SCLY: variants seen among roughly 807,000 people sequenced by gnomAD.
SCLY encodes selenocysteine lyase.
In SCLY, 38 loss-of-function variants were observed where a neutral mutation model predicts 50.1. That is an observed-to-expected ratio of 0.76 (90% CI 0.59 to 0.99). SCLY has a LOEUF of 0.99. Among genes scored for constraint, SCLY ranks in the 50% least tolerant of loss-of-function variants. The probability of loss-of-function intolerance (pLI) is 0.00; values close to 1 mark genes in which losing one functional copy is unlikely to be tolerated. For missense variants in SCLY, 600 were observed against 620.0 expected, an observed-to-expected ratio of 0.97 and a Z score of 0.34; for synonymous variants, 243 against 249.4, an observed-to-expected ratio of 0.97 and a Z score of 0.24.
At chr2:238,063,457 A>G (rs745418646) in intron 1 of SCLY, among the ~76,000 whole-genome samples, 1 of 152,144 alleles carries the variant, frequency 6.6e-6, no homozygotes, top group Non-Finnish European at 1.5e-5. Flanking sequence ...TCCTAACCTC[A>G]AGTGATCCAC....
chr2:238,069,284 T>C lies in SCLY; in HGVS notation c.304-13T>C. The C allele has an allele frequency of 6.2e-7, 1 of 1,610,924 alleles. No homozygotes were observed. Among genetic ancestry groups the C allele is most frequent in the Non-Finnish European group, 8.5e-7 (1 of 1,178,856 alleles). ...CAGTTTTTGTAAATGCTTTTTTTGC[T>C]GTATCTCTGCAGTCAAATAATTTAG... On this transcript the variant is annotated splice_polypyrimidine_tract_variant and intron_variant, in intron 3 of 11. Coordinates refer to ENST00000254663, the MANE Select transcript of SCLY (RefSeq NM_016510.7). The surrounding 1 kb of genome is among the most constrained non-coding windows in gnomAD (Gnocchi z 5.0).
In SCLY at chr2:238,067,240, A is replaced by G. The variant is rs928218758; in HGVS notation, c.203-825A>G. On this transcript the variant is annotated intron_variant, in intron 2 of 11. Coordinates refer to ENST00000254663, the MANE Select transcript of SCLY (RefSeq NM_016510.7). The surrounding 1 kb of genome is among the most constrained non-coding windows in gnomAD (Gnocchi z 4.3). ...AACTACTACTAAAACTGACATCTAT[A>G]CAGTAGCGTTAAGGAGCAGCAGAAT... is the stretch of plus-strand genomic sequence containing the variant. Among the ~76,000 whole-genome samples the G allele has an allele frequency of 6.6e-6, 1 of 152,220 alleles. No individual in the cohort carries two copies. Among genetic ancestry groups the G allele is most frequent in the Non-Finnish European group, 1.5e-5 (1 of 68,026 alleles).
Position 238,083,417 on chromosome 2 carries a change from T to C in SCLY, c.884+63T>C. 2.5e-6 allele frequency: 3 copies of C among 1,223,706 alleles called. No homozygotes were observed. The highest frequency in any genetic ancestry group is 3.6e-6 in the Non-Finnish European group (3 of 825,218). The allele number at this position is 1,223,706 out of a possible 1,614,324, so 75.8% of individuals were successfully genotyped here. Reference sequence around the variant, plus strand: ...CCGTGTCATTTGTAGAGCAGTGACATTGTAAAGAAACATGGCGCTGTTTCT... The same window carrying C: ...CCGTGTCATTTGTAGAGCAGTGACACTGTAAAGAAACATGGCGCTGTTTCT... On this transcript the variant is annotated intron_variant, in intron 7 of 11. Coordinates refer to ENST00000254663, the MANE Select transcript of SCLY (RefSeq NM_016510.7). This position sits in a 1 kb window ranked among gnomAD's most constrained non-coding sequence, Gnocchi z 4.3.
At chr2:238,096,721 G>T (rs946007654) in intron 10 of SCLY, 80 bp from the exon 11 acceptor site, 1 of 1,462,748 alleles carries the variant, frequency 6.8e-7, no homozygotes, top group Non-Finnish European at 9.4e-7. Flanking sequence ...AGCAGCCTGC[G>T]CCCAGCAGGA....
At position 238,098,618 on chromosome 2, in the gene SCLY, TGGGACCGCCCACATGGGACCGC is replaced by T. The variant is rs1559254647; in HGVS notation, c.*264_*285del. 4 of 437,434 alleles carry T rather than the reference TGGGACCGCCCACATGGGACCGC, an allele frequency of 9.1e-6. No homozygotes were observed. Among genetic ancestry groups the T allele is most frequent in the Non-Finnish European group, 1.6e-5 (4 of 249,126 alleles). 27.1% of individuals were successfully genotyped at this position (437,434 alleles called of 1,614,324 possible). A position where few individuals can be genotyped will look rare whatever the true frequency, so the allele number is the denominator to read the frequency against. ...GACCGCCCACATAGGACCGCCCACA[TGGGACCGCCCACATGGGACCGC>T]CCACATGGGACCGCCCACATAGAAC... On this transcript the variant is annotated 3_prime_UTR_variant, in exon 12 of 12. Coordinates refer to ENST00000254663, the MANE Select transcript of SCLY (RefSeq NM_016510.7).
At chr2:238,072,396 G>T (rs930837939) in intron 4 of SCLY, among the ~76,000 whole-genome samples, 4 of 152,142 alleles carry the variant, frequency 2.6e-5, no homozygotes, top group Admixed American at 1.3e-4. Context: ...GTTTATACTT[G>T]AGTGAGATTG....
In SCLY at chr2:238,069,285, G is replaced by T. The variant is rs574473455; in HGVS notation, c.304-12G>T. 327 of 1,609,558 alleles carry T rather than the reference G, an allele frequency of 2.0e-4. No individual in the cohort carries two copies. The highest frequency in any genetic ancestry group is 2.6e-4 in the Non-Finnish European group (306 of 1,178,458). On this transcript the variant is annotated splice_polypyrimidine_tract_variant and intron_variant, in intron 3 of 11. Transcript: ENST00000254663. The surrounding 1 kb of genome is among the most constrained non-coding windows in gnomAD (Gnocchi z 5.0). The stretch of plus-strand genomic sequence containing the variant: ...AGTTTTTGTAAATGCTTTTTTTGCT[G>T]TATCTCTGCAGTCAAATAATTTAGT...
At chr2:238,097,365 G>T (rs530141106) in intron 11 of SCLY, among the ~76,000 whole-genome samples, 1 of 121,686 alleles carries the variant, frequency 8.2e-6, no homozygotes, top group Non-Finnish European at 1.7e-5. Context: ...GGGGTAGAGG[G>T]CGTGGGGTGC....
At chr2:238,094,218 G>A in intron 9 of SCLY, 1 of 613,498 alleles carries the variant, frequency 1.6e-6, no homozygotes, top group Non-Finnish European at 2.9e-6. Flanking sequence ...TTATGTGGAA[G>A]GTTCATATGT....
rs1462539529 is a variant in SCLY, at chr2:238,091,162, C to G, written c.885-56C>G. ...TTTAACACAATGACTTTCATGGAGA[C>G]AGGATTCCTTCCTGAGACATTTGTT... is the stretch of plus-strand genomic sequence containing the variant. On this transcript the variant is annotated intron_variant, in intron 7 of 11. Coordinates refer to ENST00000254663, the MANE Select transcript of SCLY (RefSeq NM_016510.7). 2.1e-6 allele frequency: 3 copies of G among 1,437,742 alleles called. No homozygotes were observed. The East Asian group carries it at 6.8e-5, about 33-fold the overall frequency. The allele number at this position is 1,437,742 out of a possible 1,614,324, so 89.1% of individuals were successfully genotyped here. A position where few individuals can be genotyped will look rare whatever the true frequency, so the allele number is the denominator to read the frequency against.
At chr2:238,097,952 G>A (rs139515422) in intron 11 of SCLY, among the ~76,000 whole-genome samples, 1,842 of 152,334 alleles carry the variant, frequency 0.012, 38 homozygotes, top group African/African-American at 0.042. Context: ...GAGGGAGGCA[G>A]TGTCACCTGG....
intron 6 of SCLY, 154 bp downstream of exon 6, chr2:238,082,363 G>C: frequency 1.4e-6 from 1 of 729,170 alleles, no homozygotes; most frequent in Non-Finnish European, 2.2e-6. Flanking sequence ...GGAGCTTTAA[G>C]AGGGGAGCCC....
At chr2:238,098,017 A>G (rs1003406148) in intron 11 of SCLY, among the ~76,000 whole-genome samples, 185 bp from the exon 12 acceptor site, 1 of 152,110 alleles carries the variant, frequency 6.6e-6, no homozygotes, top group Non-Finnish European at 1.5e-5. Flanking sequence ...TTTGAGCCAC[A>G]CCTTGATGTG....
intron 11 of SCLY, among the ~76,000 whole-genome samples, chr2:238,097,498 G>C (rs1559253526): frequency 6.6e-6 from 1 of 152,116 alleles, no homozygotes; most frequent in Non-Finnish European, 1.5e-5. Context: ...TGGGGAGAGA[G>C]CGGAACTGTA....
At chr2:238,082,963 C>T in intron 6 of SCLY, 22 of 381,056 alleles carry the variant, frequency 5.8e-5, no homozygotes, top group South Asian at 1.5e-4. Context: ...ATTTGAGATC[C>T]TTTTACAAAT....
At position 238,081,814 on chromosome 2, in the gene SCLY, A is replaced by G. The variant is rs749162342; in HGVS notation, c.590A>G (p.Asn197Ser). 17 of 1,613,964 alleles carry G rather than the reference A, an allele frequency of 1.1e-5. No individual in the cohort carries two copies. The highest frequency in any genetic ancestry group is 8.0e-5 in the African/African-American group (6 of 74,942). ...CGCCTCGTGACCATCATGCTGGCCA[A>G]CAATGAGACTGGCATTGTCATGGTG... is the stretch of plus-strand genomic sequence containing the variant. ...TTRLVTIMLA[N>S]NETGIVMPVP... Residue 197 changes from asparagine (N) to serine (S), a missense_variant, in exon 5 of 12, where the codon AAC becomes AGC. By Grantham distance (46) the Asn-to-Ser change is conservative. Coordinates refer to ENST00000254663, the MANE Select transcript of SCLY (RefSeq NM_016510.7).
At chr2:238,091,282 A>T (rs1188134481) in intron 8 of SCLY, 28 bp downstream of exon 8, 2 of 1,603,144 alleles carry the variant, frequency 1.2e-6, no homozygotes, top group South Asian at 1.1e-5. Flanking sequence ...TGAGGAGATG[A>T]GTTGATTGCT....
intron 7 of SCLY, among the ~76,000 whole-genome samples, chr2:238,088,442 C>T (rs1279578359): frequency 6.6e-6 from 1 of 151,986 alleles, no homozygotes; most frequent in Non-Finnish European, 1.5e-5. Context: ...GCCTAGGCAA[C>T]AGAGCAAGAC....
At chr2:238,082,791 G>A (rs376021838) in intron 6 of SCLY, 6 of 218,708 alleles carry the variant, frequency 2.7e-5, no homozygotes, top group African/African-American at 1.4e-4. Context: ...TTCCAAAGGA[G>A]TGTCTATGCT....
Sources: gnomAD v4.1 joint callset for allele counts (sites outside exome capture counted in the v4.1 genomes callset) on GRCh38, gnomAD v4.1.1 for gene constraint, Gnocchi (gnomAD v3.1) non-coding constraint, MANE v1.5 for transcripts, NCBI Gene and HGNC (gene_info 2026-07-23, HGNC 2026-07-21) for gene names.